MFRP: variants seen among roughly 807,000 people sequenced by gnomAD.
MFRP encodes the protein membrane frizzled-related protein.
In MFRP, 74 loss-of-function variants were observed where a neutral mutation model predicts 65.8. The observed-to-expected ratio is 1.12, with a 90% CI of 0.93 to 1.36. The LOEUF (loss-of-function observed/expected upper bound fraction) is 1.36. MFRP is among the 40% of genes most tolerant of loss of function. MFRP has a pLI of 0.00. For synonymous variants in MFRP, 336 were observed against 288.3 expected, an observed-to-expected ratio of 1.17 and a Z score of -1.68; for missense variants, 838 against 736.0, an observed-to-expected ratio of 1.14 and a Z score of -1.60.
Position 119,340,345 on chromosome 11 carries a change from G to T in MFRP, c.*949C>A. 1 of 1,544,012 alleles carries T rather than the reference G, an allele frequency of 6.5e-7. No homozygotes were observed. The highest frequency in any genetic ancestry group is 1.2e-5 in the South Asian group (1 of 83,420). On this transcript the variant is annotated 3_prime_UTR_variant, in exon 14 of 15. Coordinates refer to ENST00000619721, the MANE Select transcript of MFRP (RefSeq NM_031433.4). ...GCTGGGGATCTTGTTGTCGTCCAGT[G>T]GGGGCGAGCCGGCCGCCAGGCCCAG...
chr11:119,344,323 G>A lies in MFRP; in HGVS notation c.967C>T (p.His323Tyr), dbSNP rs771251786. 10 of 1,613,922 alleles carry A rather than the reference G, an allele frequency of 6.2e-6. No individual in the cohort carries two copies. The highest frequency in any genetic ancestry group is 5.0e-5 in the Admixed American group (3 of 59,990). The change falls in exon 8 of 15, where the codon CAC (histidine) becomes TAC (tyrosine). Residue 323 changes from histidine (H) to tyrosine (Y), a missense_variant. His to Tyr is a moderately conservative substitution (Grantham distance 83). Transcript: ENST00000619721. ...STPSYLQQYP[H>Y]QLLCTWHISV... The stretch of plus-strand genomic sequence containing the variant: ...TGGAGCACTGTGCTTACCAGTTGGT[G>A]AGGGTACTGCTGCAGGTAGCTGGGA...
intron 9 of MFRP, 116 bp downstream of exon 9, chr11:119,343,700 C>T: frequency 7.5e-7 from 1 of 1,332,106 alleles, no homozygotes; most frequent in Non-Finnish European, 1.1e-6. Context: ...GACCCCCGGC[C>T]TGGAGTAGCA....
Position 119,339,660 on chromosome 11 carries a change from G to C in MFRP, c.*1299C>G, listed in dbSNP as rs766109898. ...AACTTGCCGGTGACGGCGTCGTAAT[G>C]TCCCTGCTCGTTCACCAGCACGCGG... is the stretch of plus-strand genomic sequence containing the variant. On this transcript the variant is annotated 3_prime_UTR_variant, in exon 15 of 15. Transcript: ENST00000619721. This position sits in a 1 kb window ranked among gnomAD's most constrained non-coding sequence, Gnocchi z 5.4. 1.9e-6 allele frequency: 3 copies of C among 1,612,010 alleles called. No homozygotes were observed. The highest frequency in any genetic ancestry group is 2.5e-6 in the Non-Finnish European group (3 of 1,179,972).
In MFRP at chr11:119,339,688, G is replaced by A. The variant is rs749765891; in HGVS notation, c.*1271C>T. The A allele has an allele frequency of 5.0e-6, 8 of 1,609,324 alleles. No homozygotes were observed. In the African/African-American group the frequency reaches 1.1e-4, roughly 21 times the overall value. ...CCTGCTCGTTCACCAGCACGCGGTC[G>A]AAGGGCAAGGGTGCGTCAGACGGCG... is the stretch of plus-strand genomic sequence containing the variant. On this transcript the variant is annotated 3_prime_UTR_variant, in exon 15 of 15. Coordinates refer to ENST00000619721, the MANE Select transcript of MFRP (RefSeq NM_031433.4). The surrounding 1 kb of genome is among the most constrained non-coding windows in gnomAD (Gnocchi z 5.4).
At position 119,345,513 on chromosome 11, in the gene MFRP, T is replaced by C. The variant is rs772869993; in HGVS notation, c.548A>G (p.Gln183Arg). The C allele has an allele frequency of 5.6e-6, 9 of 1,614,098 alleles. No individual in the cohort carries two copies. The East Asian group carries it at 1.6e-4, about 28-fold the overall frequency. The stretch of plus-strand genomic sequence containing the variant: ...TATGCTGAGGGCTTCGATCTTGAGC[T>C]GTATTGCATGGTCTGTGGCCACCTG... ...HIQVATDHAIQLKIEALSIES... is the reference protein window; with the variant it reads ...HIQVATDHAIRLKIEALSIES... Residue 183 changes from glutamine (Q) to arginine (R), a missense_variant, in exon 5 of 15, where the codon CAG becomes CGG. Physicochemically the swap from Gln to Arg is conservative, Grantham distance 43. Coordinates refer to ENST00000619721, the MANE Select transcript of MFRP (RefSeq NM_031433.4).
chr11:119,345,876 T>C lies in MFRP; in HGVS notation c.324A>G (p.Gly108=). The C allele has an allele frequency of 6.2e-7, 1 of 1,613,454 alleles. No homozygotes were observed. The highest frequency in any genetic ancestry group is 8.5e-7 in the Non-Finnish European group (1 of 1,179,742). The change falls in exon 4 of 15, where the codon GGA becomes GGG. Residue 108 remains glycine (G), a synonymous_variant. Coordinates refer to ENST00000619721, the MANE Select transcript of MFRP (RefSeq NM_031433.4). ...GGGTGGTGGTGGTCGTGGTAAGGCC[T>C]CCGGCAGGCAGTGGGCTATGGGACG... ...SGASHSPLPA[G]GLTTTTTTPT...
Position 119,346,622 on chromosome 11 carries a change from G to A in MFRP, c.-109C>T, listed in dbSNP as rs572690198. The A allele has an allele frequency of 8.7e-5, 99 of 1,138,772 alleles. No individual in the cohort carries two copies. In the Admixed American group the frequency reaches 1.1e-3, roughly 13 times the overall value. The allele number at this position is 1,138,772 out of a possible 1,614,324, so 70.5% of individuals were successfully genotyped here. A position where few individuals can be genotyped will look rare whatever the true frequency, so the allele number is the denominator to read the frequency against. On this transcript the variant is annotated 5_prime_UTR_variant, in exon 1 of 15. Transcript: ENST00000619721. ...GTCAGAGGGGCAGCCTCTACTACCC[G>A]AGGGAAAAGGCTGCCAGGCTAGACC... is the stretch of plus-strand genomic sequence containing the variant.
Position 119,343,924 on chromosome 11 carries a change from A to T in MFRP, c.1016T>A (p.Ile339Lys). The T allele has an allele frequency of 6.2e-7, 1 of 1,613,338 alleles. No homozygotes were observed. Among genetic ancestry groups the T allele is most frequent in the Non-Finnish European group, 8.5e-7 (1 of 1,179,854 alleles). The change falls in exon 9 of 15, where the codon ATA becomes AAA. Residue 339 changes from isoleucine to lysine, a missense_variant. Physicochemically the swap from Ile to Lys is moderately radical, Grantham distance 102 (BLOSUM62 -3). Coordinates refer to ENST00000619721, the MANE Select transcript of MFRP (RefSeq NM_031433.4). ...GCTGAAGTTGTGGAACTGTAGTTCT[A>T]TGCTGTGTCCGGCAGGCACCGAGAT... ...WHISVPAGHSIELQFHNFSLE... is the reference protein window; with the variant it reads ...WHISVPAGHSKELQFHNFSLE...
chr11:119,343,233 T>C (rs1269454566), intron 9 of MFRP, among the ~76,000 whole-genome samples: 1 of 152,234 alleles, frequency 6.6e-6, no homozygotes, highest in Non-Finnish European at 1.5e-5. Flanking sequence ...CGAAGCAGCC[T>C]GGCATTGTGG....
chr11:119,343,657 A>G (rs1950526341), intron 9 of MFRP, among the ~76,000 whole-genome samples, 159 bp downstream of exon 9: 1 of 152,036 alleles, frequency 6.6e-6, no homozygotes. Context: ...GAAGGTTTTG[A>G]GGTGAGAGCT....
chr11:119,340,600 G>A (rs1041371446), intron 13 of MFRP, 95 bp downstream of exon 13: 8 of 582,286 alleles, frequency 1.4e-5, no homozygotes, highest in Non-Finnish European at 2.4e-5. Context: ...GCGCGAGAGG[G>A]TGGGAGCGGC....
chr11:119,344,239 A>C (rs1950534302), intron 8 of MFRP, 76 bp downstream of exon 8: 1 of 1,365,322 alleles, frequency 7.3e-7, no homozygotes, highest in South Asian at 1.2e-5. Flanking sequence ...CTACCATGCC[A>C]TTCCCATTAC....
At chr11:119,346,197 G>A (rs1950566602) in intron 2 of MFRP, 38 bp from the exon 3 acceptor site, 4 of 1,568,206 alleles carry the variant, frequency 2.6e-6, no homozygotes, top group African/African-American at 2.7e-5. Flanking sequence ...AGCCCCTTCT[G>A]TTGGGTATTC....
chr11:119,342,645 G>T lies in MFRP; in HGVS notation c.1338C>A (p.Cys446Ter). Reference protein sequence around the residue: ...VQWMCDMWRDCTDGSDDNCSG... With the variant: ...VQWMCDMWRD ...TGCAGTTGTCATCGCTGCCATCGGT[G>T]CAGTCTCTCCACATGTCACACATCC... Residue 446 changes from cysteine to a stop codon, truncating the protein, a stop_gained, in exon 11 of 15, where the codon TGC becomes TGA. Coordinates refer to ENST00000619721, the MANE Select transcript of MFRP (RefSeq NM_031433.4). LOFTEE classifies it high-confidence loss of function. 1 of 1,613,674 alleles carries T rather than the reference G, an allele frequency of 6.2e-7. No individual in the cohort carries two copies. Among genetic ancestry groups the T allele is most frequent in the Non-Finnish European group, 8.5e-7 (1 of 1,179,940 alleles).
chr11:119,340,649 C>G (rs1288076471), intron 13 of MFRP, 46 bp downstream of exon 13: 4 of 540,316 alleles, frequency 7.4e-6, no homozygotes, highest in Non-Finnish European at 1.3e-5. Context: ...CCAGCCTTTC[C>G]CACAGTCCCC....
Position 119,342,646 on chromosome 11 carries a change from C to T in MFRP, c.1337G>A (p.Cys446Tyr), listed in dbSNP as rs2135368998. The change falls in exon 11 of 15, where the codon TGC (cysteine) becomes TAC (tyrosine). Residue 446 changes from cysteine (C) to tyrosine (Y), a missense_variant. Transcript: ENST00000619721. Reference protein sequence around the residue: ...VQWMCDMWRDCTDGSDDNCSG... With the variant: ...VQWMCDMWRDYTDGSDDNCSG... ...GCAGTTGTCATCGCTGCCATCGGTG[C>T]AGTCTCTCCACATGTCACACATCCA... 2 of 1,613,676 alleles carry T rather than the reference C, an allele frequency of 1.2e-6. No homozygotes were observed. The highest frequency in any genetic ancestry group is 1.7e-6 in the Non-Finnish European group (2 of 1,179,938).
In MFRP at chr11:119,339,064, A is replaced by G; in HGVS notation, c.*1895T>C. ...AGAGCACCCCACCGTGGGCTCCTGG[A>G]CCAGAGCAACTGGGGGACTTACACT... On this transcript the variant is annotated 3_prime_UTR_variant, in exon 15 of 15. Coordinates refer to ENST00000619721, the MANE Select transcript of MFRP (RefSeq NM_031433.4). The surrounding 1 kb of genome is among the most constrained non-coding windows in gnomAD (Gnocchi z 5.4). 2.2e-6 allele frequency: 1 copy of G among 454,324 alleles called. No homozygotes were observed. The highest frequency in any genetic ancestry group is 3.9e-6 in the Non-Finnish European group (1 of 254,590). 28.1% of individuals were successfully genotyped at this position (454,324 alleles called of 1,614,324 possible).
Position 119,339,308 on chromosome 11 carries a change from A to G in MFRP, c.*1651T>C. ...ACACCCTCCTTCTAGGAGTGAGAGCATGAGCTCACTTTGCAGTGGGCACTA... is the reference window on the plus strand; with the variant it reads ...ACACCCTCCTTCTAGGAGTGAGAGCGTGAGCTCACTTTGCAGTGGGCACTA... On this transcript the variant is annotated 3_prime_UTR_variant, in exon 15 of 15. Coordinates refer to ENST00000619721, the MANE Select transcript of MFRP (RefSeq NM_031433.4). This position sits in a 1 kb window ranked among gnomAD's most constrained non-coding sequence, Gnocchi z 5.4. 2 of 1,608,876 alleles carry G rather than the reference A, an allele frequency of 1.2e-6. No individual in the cohort carries two copies. The highest frequency in any genetic ancestry group is 2.2e-5 in the South Asian group (2 of 90,446).
In MFRP at chr11:119,342,891, C is replaced by T. The variant is rs777738320; in HGVS notation, c.1237G>A (p.Ala413Thr). 1 of 1,613,066 alleles carries T rather than the reference C, an allele frequency of 6.2e-7. No individual in the cohort carries two copies. The highest frequency in any genetic ancestry group is 2.2e-5 in the East Asian group (1 of 44,888). ...SSGGFSATYLAFNATENPCGP... is the reference protein window; with the variant it reads ...SSGGFSATYLTFNATENPCGP... The stretch of plus-strand genomic sequence containing the variant: ...CACCTACTCTCCGTGGCATTGAAGG[C>T]CAGGTAGGTGGCTGAGAAGCCTCCA... The change falls in exon 10 of 15, where the codon GCC becomes ACC. Residue 413 changes from alanine to threonine, a missense_variant. Transcript: ENST00000619721.
Sources: gnomAD v4.1 joint callset for allele counts (sites outside exome capture counted in the v4.1 genomes callset) on GRCh38, gnomAD v4.1.1 for gene constraint, Gnocchi (gnomAD v3.1) non-coding constraint, MANE v1.5 for transcripts, NCBI Gene and HGNC (gene_info 2026-07-23, HGNC 2026-07-21) for gene names.